The following IARS1 variants were observed in gnomAD, a reference collection of about 807,000 sequenced individuals.
IARS1 encodes the protein isoleucyl-tRNA synthetase 1, also known as isoleucine--tRNA ligase, cytoplasmic.
A neutral mutation model predicts 168.2 loss-of-function variants in IARS1; 124 were observed. The observed-to-expected ratio is 0.74, with a 90% CI of 0.64 to 0.86. IARS1 has a LOEUF of 0.86. Ranked by LOEUF, IARS1 falls within the 40% of genes least tolerant of loss-of-function variation. The pLI, the probability that IARS1 is intolerant of heterozygous loss-of-function variation, is 0.00. For missense variants in IARS1, 1,452 were observed against 1,515.8 expected, an observed-to-expected ratio of 0.96 and a Z score of 0.70; for synonymous variants, 532 against 529.4, an observed-to-expected ratio of 1.00 and a Z score of -0.07.
intron 33 of IARS1, among the ~76,000 whole-genome samples, chr9:92,217,149 T>C (rs899790225): frequency 7.9e-5 from 12 of 151,688 alleles, no homozygotes; most frequent in African/African-American, 2.9e-4. Context: ...ACATGGAAAC[T>C]GAACAACCTG....
In IARS1 at chr9:92,260,212, G is replaced by A. The variant is rs747276070; in HGVS notation, c.1810C>T (p.Arg604Trp). 7.4e-6 allele frequency: 12 copies of A among 1,613,910 alleles called. No individual in the cohort carries two copies. Among genetic ancestry groups the A allele is most frequent in the South Asian group, 4.4e-5 (4 of 91,076 alleles). The stretch of plus-strand genomic sequence containing the variant: ...ACTGGATCTGGATAATTCTTTTTCC[G>A]TTTGCTCATTTTTTGGCCATCACTT... ...LASDGQKMSK[R>W]KKNYPDPVSI... Residue 604 changes from arginine (R) to tryptophan (W), a missense_variant, in exon 18 of 34, where the codon CGG becomes TGG. Physicochemically the swap from Arg to Trp is moderately radical, Grantham distance 101. Coordinates refer to ENST00000443024, the MANE Select transcript of IARS1 (RefSeq NM_002161.6).
intron 32 of IARS1, 122 bp from the exon 33 acceptor site, chr9:92,222,794 G>C: frequency 3.7e-6 from 3 of 804,626 alleles, no homozygotes; most frequent in Non-Finnish European, 5.8e-6. Context: ...CCAGGAGCGT[G>C]AGTGTGACCG....
intron 9 of IARS1, among the ~76,000 whole-genome samples, chr9:92,276,004 G>T (rs1486143799): frequency 1.3e-5 from 2 of 152,138 alleles, no homozygotes; most frequent in African/African-American, 4.8e-5. Flanking sequence ...TCTTTCAGGG[G>T]GTTGAGTTTT....
intron 1 of IARS1, among the ~76,000 whole-genome samples, chr9:92,292,181 C>CTTTTTT (rs57075703): frequency 8.5e-6 from 1 of 118,054 alleles, no homozygotes; most frequent in African/African-American, 3.2e-5. Context: ...CCACACTCAG[C>CTTTTTT]TTTTTTTTTT....
intron 6 of IARS1, among the ~76,000 whole-genome samples, chr9:92,283,518 C>T (rs760387899): frequency 2.0e-5 from 3 of 152,062 alleles, no homozygotes; most frequent in Non-Finnish European, 4.4e-5. Context: ...CTGGCGGGCA[C>T]CCGTAATCCC....
At chr9:92,248,306 A>G (rs1829513103) in intron 25 of IARS1, among the ~76,000 whole-genome samples, 1 of 152,188 alleles carries the variant, frequency 6.6e-6, no homozygotes, top group South Asian at 2.1e-4. Flanking sequence ...TGAAGCAAAT[A>G]ATACGGAATG....
At chr9:92,291,697 T>C (rs1376616632) in intron 1 of IARS1, among the ~76,000 whole-genome samples, 1 of 152,246 alleles carries the variant, frequency 6.6e-6, no homozygotes, top group African/African-American at 2.4e-5. Context: ...GTGTACCTTA[T>C]CAGAGGCCAA....
intron 1 of IARS1, among the ~76,000 whole-genome samples, chr9:92,290,949 A>G (rs1229815258): frequency 6.6e-6 from 1 of 152,220 alleles, no homozygotes; most frequent in South Asian, 2.1e-4. Context: ...CTCACATTCA[A>G]ATATAGATTC....
At chr9:92,238,775 T>A (rs896935482) in intron 30 of IARS1, among the ~76,000 whole-genome samples, 1 of 152,224 alleles carries the variant, frequency 6.6e-6, no homozygotes, top group African/African-American at 2.4e-5. Flanking sequence ...CATAACTTCC[T>A]AAGGTCCACT....
rs925082173 is a variant in IARS1, at chr9:92,222,763, G to A, written c.3554-91C>T. On this transcript the variant is annotated intron_variant, in intron 32 of 33. Transcript: ENST00000443024. ...CCACTGCGGACAGCTCTAACAGGCAGTGCTGAGGCCAGCAGTGCGTCCAGG... is the reference window on the plus strand; with the variant it reads ...CCACTGCGGACAGCTCTAACAGGCAATGCTGAGGCCAGCAGTGCGTCCAGG... 1.1e-5 allele frequency: 15 copies of A among 1,339,708 alleles called. No homozygotes were observed. The South Asian group carries it at 1.2e-4, about 11-fold the overall frequency. The allele number at this position is 1,339,708 out of a possible 1,614,324, so 83.0% of individuals were successfully genotyped here.
intron 30 of IARS1, among the ~76,000 whole-genome samples, chr9:92,235,908 T>C (rs1384608761): frequency 6.6e-6 from 1 of 152,330 alleles, no homozygotes; most frequent in South Asian, 2.1e-4. Context: ...TTTGTATACA[T>C]AGCTGAATTC....
At chr9:92,227,650 C>A (rs9775522) in intron 31 of IARS1, among the ~76,000 whole-genome samples, 4,636 of 151,758 alleles carry the variant, frequency 0.031, 239 homozygotes, top group African/African-American at 0.11. Flanking sequence ...GGTCTCCTCA[C>A]TTCTCAGACG....
chr9:92,212,732 A>G (rs1837959812), intron 33 of IARS1, among the ~76,000 whole-genome samples: 2 of 152,246 alleles, frequency 1.3e-5, no homozygotes, highest in South Asian at 2.1e-4. Context: ...TACCACAATG[A>G]AAGAGCCAAG....
chr9:92,218,969 T>G (rs1839231963), intron 33 of IARS1, among the ~76,000 whole-genome samples: 1 of 152,066 alleles, frequency 6.6e-6, no homozygotes, highest in Non-Finnish European at 1.5e-5. Flanking sequence ...GCCAAGTCAA[T>G]CCTAAGCCAA....
At chr9:92,287,701 AT>A in intron 4 of IARS1, 89 bp downstream of exon 4, 1 of 1,369,160 alleles carries the variant, frequency 7.3e-7, no homozygotes, top group Non-Finnish European at 9.8e-7. Flanking sequence ...AAATAAATTA[AT>A]AAAAAAAGCA....
At chr9:92,285,939 A>C in intron 5 of IARS1, 100 bp from the exon 6 acceptor site, 1 of 696,490 alleles carries the variant, frequency 1.4e-6, no homozygotes, top group South Asian at 1.8e-5. Flanking sequence ...TCTGCCAAAT[A>C]AGTGAAAAAA....
At chr9:92,248,568 G>A (rs948911070) in intron 25 of IARS1, among the ~76,000 whole-genome samples, 2 of 145,948 alleles carry the variant, frequency 1.4e-5, no homozygotes, top group African/African-American at 5.1e-5. Context: ...TGGGAGGATT[G>A]CCCGAGCCCA....
intron 32 of IARS1, 42 bp from the exon 33 acceptor site, chr9:92,222,714 A>C: frequency 6.2e-7 from 1 of 1,607,814 alleles, no homozygotes; most frequent in Non-Finnish European, 8.5e-7. Flanking sequence ...TCGAGAGTTC[A>C]CCCTCTAGCT....
intron 8 of IARS1, 107 bp from the exon 9 acceptor site, chr9:92,278,030 C>A: frequency 8.6e-7 from 1 of 1,162,056 alleles, no homozygotes; most frequent in Non-Finnish European, 1.3e-6. Context: ...TTAGCCCTAG[C>A]CATTCATGCT....
Sources: allele counts gnomAD v4.1 joint callset (sites outside exome capture counted in the v4.1 genomes callset), GRCh38; gene constraint gnomAD v4.1.1; transcripts MANE v1.5; gene names NCBI Gene and HGNC (gene_info 2026-07-23, HGNC 2026-07-21).